The following MELTF variants were observed in gnomAD, a reference collection of about 807,000 sequenced individuals.
The protein encoded by MELTF is melanotransferrin, also known as antigen p97 (melanoma associated) identified by monoclonal antibodies 133.2 and 96.5.
In MELTF, 67 loss-of-function variants were observed where a neutral mutation model predicts 83.7. That is an observed-to-expected ratio of 0.80 (90% confidence interval 0.66 to 0.98). The LOEUF (loss-of-function observed/expected upper bound fraction) is 0.98, where lower values mean the gene tolerates loss of function less well. Among genes scored for constraint, MELTF ranks in the 50% least tolerant of loss-of-function variants. MELTF has a pLI of 0.00. For missense variants in MELTF, 1,002 were observed against 1,035.6 expected (o/e 0.97, Z 0.44); for synonymous variants, 462 against 447.6 (o/e 1.03, Z -0.41).
Position 197,003,716 on chromosome 3 carries a change from C to A in MELTF, c.2137+185G>T. ...TACCCAGGTCCGTCTGGGAGACCCG[C>A]CGGGCTCCCGCCCTCCCGGCCCGCA... is the stretch of plus-strand genomic sequence containing the variant. On this transcript the variant is annotated intron_variant, in intron 15 of 15. Transcript: ENST00000296350. The surrounding 1 kb of genome is among the most constrained non-coding windows in gnomAD (Gnocchi z 6.2). The A allele has an allele frequency of 1.4e-6, 1 of 719,962 alleles. No individual in the cohort carries two copies. Among genetic ancestry groups the A allele is most frequent in the South Asian group, 1.9e-5 (1 of 53,570 alleles). 44.6% of individuals were successfully genotyped at this position (719,962 alleles called of 1,614,324 possible). A position where few individuals can be genotyped will look rare whatever the true frequency, so the allele number is the denominator to read the frequency against.
At chr3:197,004,689 G>A (rs752498384) in intron 14 of MELTF, 10 of 157,074 alleles carry the variant, frequency 6.4e-5, no homozygotes, top group Admixed American at 1.9e-4. Flanking sequence ...AAGACCAGAA[G>A]TAGTATGAGA....
rs144042742 is a variant in MELTF at position 197,006,201 on chromosome 3, G to A, written c.1938+348C>T. Among the ~76,000 whole-genome samples, 4,800 of 151,468 alleles carry A rather than the reference G, an allele frequency of 0.032. 140 individuals carry two copies. The highest frequency in any genetic ancestry group is 0.071 in the African/African-American group (2,939 of 41,246). ...GTGCCACTGCACTCCAGCCTGGGGC[G>A]ACAGAGTAAGACTCCGTCTCAAAAA... On this transcript the variant is annotated intron_variant, in intron 14 of 15. Coordinates refer to ENST00000296350, the MANE Select transcript of MELTF (RefSeq NM_005929.6). This position sits in a 1 kb window ranked among gnomAD's most constrained non-coding sequence, Gnocchi z 5.4.
Position 197,009,690 on chromosome 3 carries a change from C to CT in MELTF, c.1452dup (p.Gly485ArgfsTer21). The CT allele has an allele frequency of 8.1e-6, 13 of 1,613,822 alleles. No individual in the cohort carries two copies. Among genetic ancestry groups the CT allele is most frequent in the Non-Finnish European group, 1.0e-5 (12 of 1,180,044 alleles). ...AGGGCACCCACGGGGACATCCCAGC[C>CT]TGCAGGGCTGCCGAAACCGGCGTGG... On this transcript the variant is annotated frameshift_variant, in exon 11 of 16. Transcript: ENST00000296350. LOFTEE classifies it high-confidence loss of function.
chr3:197,005,837 C>T lies in MELTF; in HGVS notation c.1938+712G>A, dbSNP rs75705940. On this transcript the variant is annotated intron_variant, in intron 14 of 15. Coordinates refer to ENST00000296350, the MANE Select transcript of MELTF (RefSeq NM_005929.6). ...AAGAGGGGCCAGAGGAGAGGACTTG[C>T]TAACTCAGTCTCCATCCTTAAGAGA... 6.0e-3 allele frequency among the ~76,000 whole-genome samples: 832 copies of T among 137,876 alleles called. 9 individuals are homozygous for T. Among genetic ancestry groups the T allele is most frequent in the East Asian group, 0.038 (195 of 5,120 alleles). 90.5% of individuals were successfully genotyped at this position (137,876 alleles called of 152,430 possible). A position where few individuals can be genotyped will look rare whatever the true frequency, so the allele number is the denominator to read the frequency against.
Position 197,008,859 on chromosome 3 carries a change from C to G in MELTF, c.1632G>C (p.Lys544Asn), listed in dbSNP as rs1191619782. Residue 544 changes from lysine to asparagine, a missense_variant, in exon 12 of 16, where the codon AAG (lysine) becomes AAC (asparagine). Physicochemically the swap from Lys to Asn is moderately conservative, Grantham distance 94. Transcript: ENST00000296350. The surrounding 1 kb of genome is among the most constrained non-coding windows in gnomAD (Gnocchi z 5.4). ...LCVGDEQGRN[K>N]CVGNSQERYY... ...ACCGCTCCTGGCTGTTGCCCACACA[C>G]TTGTTGCGGCCCTGCTCGTCCCCCA... The G allele has an allele frequency of 3.1e-6, 5 of 1,614,094 alleles. No individual in the cohort carries two copies. Among genetic ancestry groups the G allele is most frequent in the African/African-American group, 2.7e-5 (2 of 74,936 alleles).
At chr3:197,019,209 T>C (rs1039480370) in intron 6 of MELTF, 3 of 1,002,968 alleles carry the variant, frequency 3.0e-6, no homozygotes, top group African/African-American at 1.7e-5. Context: ...TTTCCTGTTT[T>C]TCGGCGGCTG....
rs766939369 is a variant in MELTF, at chr3:197,009,732, G to A, written c.1411C>T (p.Arg471Trp). Residue 471 changes from arginine to tryptophan, a missense_variant, in exon 11 of 16, where the codon CGG (arginine) becomes TGG (tryptophan). Transcript: ENST00000296350. Reference sequence around the variant, plus strand: ...CCGGCGTGGCAGGAGCGCTTGCCCCGAAGCTCATCCAAGGTGAAGGCGTGG... The same window carrying A: ...CCGGCGTGGCAGGAGCGCTTGCCCCAAAGCTCATCCAAGGTGAAGGCGTGG... ...SSHAFTLDEL[R>W]GKRSCHAGFG... The A allele has an allele frequency of 2.0e-5, 32 of 1,613,500 alleles. No individual in the cohort carries two copies. The Admixed American group carries it at 3.8e-4, about 19-fold the overall frequency.
At position 197,019,154 on chromosome 3, in the gene MELTF, C is replaced by T. The variant is rs545834279; in HGVS notation, c.713-1864G>A. ...TTGTTAATGGCCACATGGTAGTTTA[C>T]AGCACTGTTAATGATTCAGTGTAGT... On this transcript the variant is annotated intron_variant, in intron 6 of 15. Coordinates refer to ENST00000296350, the MANE Select transcript of MELTF (RefSeq NM_005929.6). 195 of 989,256 alleles carry T rather than the reference C, an allele frequency of 2.0e-4. 1 individual carries two copies. The African/African-American group carries it at 3.3e-3, about 17-fold the overall frequency. The allele number at this position is 989,256 out of a possible 1,614,324, so 61.3% of individuals were successfully genotyped here.
intron 6 of MELTF, chr3:197,019,091 CACCAGAGTG>C: frequency 1.0e-6 from 1 of 985,758 alleles, no homozygotes; most frequent in Non-Finnish European, 1.2e-6. Flanking sequence ...CAAACACCCG[CACCAGAGTG>C]ATCGTTTAGG....
At chr3:197,004,129 C>T (rs1451936070) in intron 14 of MELTF, 30 bp from the exon 15 acceptor site, 1 of 1,608,926 alleles carries the variant, frequency 6.2e-7, no homozygotes, top group South Asian at 1.1e-5. Context: ...ACGACCTGCT[C>T]CTCACTGGGC....
rs1490094394 is a variant in MELTF, at chr3:197,011,307, C to T, written c.1234-513G>A. On this transcript the variant is annotated intron_variant, in intron 9 of 15. Transcript: ENST00000296350. This position sits in a 1 kb window ranked among gnomAD's most constrained non-coding sequence, Gnocchi z 4.2. ...TTCAGGGCTGAGGGATGGAGCTCTG[C>T]CTGCGGAGGCGCGGGAGGGTCCAGT... Among the ~76,000 whole-genome samples the T allele has an allele frequency of 6.6e-6, 1 of 152,216 alleles. No individual in the cohort carries two copies. The highest frequency in any genetic ancestry group is 1.5e-5 in the Non-Finnish European group (1 of 68,022).
In MELTF at chr3:197,024,819, C is replaced by G. The variant is rs1719787132; in HGVS notation, c.305-334G>C. Among the ~76,000 whole-genome samples, 1 of 152,178 alleles carries G rather than the reference C, an allele frequency of 6.6e-6. No individual in the cohort carries two copies. The highest frequency in any genetic ancestry group is 2.1e-4 in the South Asian group (1 of 4,832). On this transcript the variant is annotated intron_variant, in intron 3 of 15. Coordinates refer to ENST00000296350, the MANE Select transcript of MELTF (RefSeq NM_005929.6). The surrounding 1 kb of genome is among the most constrained non-coding windows in gnomAD (Gnocchi z 5.3). ...TATTTAGCTGGACAGAAAGCAGAAG[C>G]CAGCAAGTCCTTGCTTTCCAAGAGC...
At chr3:197,027,329 C>A (rs1348061323) in intron 2 of MELTF, among the ~76,000 whole-genome samples, 1 of 152,264 alleles carries the variant, frequency 6.6e-6, no homozygotes, top group Non-Finnish European at 1.5e-5. Context: ...TTTAGCAGTT[C>A]TCAGCAGACC....
Position 197,024,226 on chromosome 3 carries a change from C to T in MELTF, c.487+77G>A. On this transcript the variant is annotated intron_variant, in intron 4 of 15. Coordinates refer to ENST00000296350, the MANE Select transcript of MELTF (RefSeq NM_005929.6). The surrounding 1 kb of genome is among the most constrained non-coding windows in gnomAD (Gnocchi z 5.3). ...GGTGGCGAGGCCGGAGGGAGGCTACCCAGTGAAGGGACGAGCATGGGCCAA... is the reference window on the plus strand; with the variant it reads ...GGTGGCGAGGCCGGAGGGAGGCTACTCAGTGAAGGGACGAGCATGGGCCAA... The T allele has an allele frequency of 6.9e-7, 1 of 1,439,238 alleles. No individual in the cohort carries two copies. Among genetic ancestry groups the T allele is most frequent in the Non-Finnish European group, 9.4e-7 (1 of 1,065,538 alleles). The allele number at this position is 1,439,238 out of a possible 1,614,324, so 89.2% of individuals were successfully genotyped here.
chr3:197,010,023 C>T (rs1424166899), intron 10 of MELTF, among the ~76,000 whole-genome samples: 1 of 152,238 alleles, frequency 6.6e-6, no homozygotes, highest in Admixed American at 6.5e-5. Flanking sequence ...CTCTTGCCTC[C>T]ACTTTCCAGC....
rs1718828745 is a variant in MELTF, at chr3:197,003,353, T to TGGGGC, written c.*14_*18dup. ...ACTCCCCGGGCGGGCATCGGAGCTCTGGGGCGGGGCGGCCGGGCTCAGAGG... is the reference window on the plus strand; with the variant it reads ...ACTCCCCGGGCGGGCATCGGAGCTCTGGGGCGGGGCGGGGCGGCCGGGCTCAGAGG... On this transcript the variant is annotated 3_prime_UTR_variant, in exon 16 of 16. Transcript: ENST00000296350. The surrounding 1 kb of genome is among the most constrained non-coding windows in gnomAD (Gnocchi z 6.2). 1 of 1,002,094 alleles carries TGGGGC rather than the reference T, an allele frequency of 1.0e-6. No homozygotes were observed. The highest frequency in any genetic ancestry group is 1.2e-6 in the Non-Finnish European group (1 of 846,834). 62.1% of individuals were successfully genotyped at this position (1,002,094 alleles called of 1,614,324 possible). A position where few individuals can be genotyped will look rare whatever the true frequency, so the allele number is the denominator to read the frequency against.
At position 197,008,760 on chromosome 3, in the gene MELTF, G is replaced by C. The variant is rs1560211676; in HGVS notation, c.1683-36C>G. ...GAGGGCAGGGCAGGCGTCGGCAGGA[G>C]GGTCCCAGCCTCTGCACACAGCCCC... On this transcript the variant is annotated intron_variant, in intron 12 of 15. Transcript: ENST00000296350. This position sits in a 1 kb window ranked among gnomAD's most constrained non-coding sequence, Gnocchi z 5.4. The C allele has an allele frequency of 2.5e-6, 4 of 1,613,788 alleles. No homozygotes were observed. The highest frequency in any genetic ancestry group is 3.4e-6 in the Non-Finnish European group (4 of 1,179,894).
chr3:197,019,510 C>T lies in MELTF; in HGVS notation c.712+1894G>A, dbSNP rs115821082. The stretch of plus-strand genomic sequence containing the variant: ...CCCAGCTACTCAGGAGGCTGAGATG[C>T]GAGGATCAGTTGAGGCTGGGGGTTT... On this transcript the variant is annotated intron_variant, in intron 6 of 15. Coordinates refer to ENST00000296350, the MANE Select transcript of MELTF (RefSeq NM_005929.6). 27 of 1,504,880 alleles carry T rather than the reference C, an allele frequency of 1.8e-5. No individual in the cohort carries two copies. The East Asian group carries it at 1.8e-4, about 10-fold the overall frequency. The allele number at this position is 1,504,880 out of a possible 1,614,324, so 93.2% of individuals were successfully genotyped here.
chr3:197,010,819 G>A, intron 9 of MELTF, 25 bp from the exon 10 acceptor site: 1 of 1,604,624 alleles, frequency 6.2e-7, no homozygotes, highest in South Asian at 1.1e-5. Flanking sequence ...AGAAGCCACT[G>A]GGCCGGGGTG....
Sources: gnomAD v4.1 joint callset for allele counts (sites outside exome capture counted in the v4.1 genomes callset) on GRCh38, gnomAD v4.1.1 for gene constraint, Gnocchi (gnomAD v3.1) non-coding constraint, MANE v1.5 for transcripts, NCBI Gene and HGNC (gene_info 2026-07-23, HGNC 2026-07-21) for gene names.